Variants in MS4A15 observed in about 807,000 individuals in gnomAD.
The protein encoded by MS4A15 is membrane-spanning 4-domains subfamily A member 15.
A neutral mutation model predicts 20.6 loss-of-function variants in MS4A15; 22 were observed. The observed-to-expected ratio is 1.07, with a 90% confidence interval of 0.76 to 1.52. MS4A15 has a LOEUF of 1.52. Among genes scored for constraint, MS4A15 ranks in the 40% most tolerant of loss-of-function variants. The pLI, the probability that MS4A15 is intolerant of heterozygous loss-of-function variation, is 0.00. For missense variants in MS4A15, 312 were observed against 323.0 expected (o/e 0.97, Z 0.26); for synonymous variants, 129 against 129.3 (o/e 1.00, Z 0.02).
chr11:60,765,454 T>C (rs952769002), intron 2 of MS4A15, among the ~76,000 whole-genome samples: 1 of 152,098 alleles, frequency 6.6e-6, no homozygotes, highest in African/African-American at 2.4e-5. Flanking sequence ...CTCTTACTTA[T>C]GAAGCATCTC....
intron 3 of MS4A15, among the ~76,000 whole-genome samples, chr11:60,768,080 C>T (rs1229761981): frequency 6.6e-6 from 1 of 152,182 alleles, no homozygotes; most frequent in Non-Finnish European, 1.5e-5. Context: ...GTAATCCCAG[C>T]TACTTGGGAG....
chr11:60,765,045 AG>A (rs1853849245), intron 2 of MS4A15, among the ~76,000 whole-genome samples: 1 of 152,236 alleles, frequency 6.6e-6, no homozygotes, highest in East Asian at 1.9e-4. Flanking sequence ...GTGAGCAGTA[AG>A]CTCTTATAGG....
chr11:60,775,258 A>T (rs1854159115), intron 6 of MS4A15, among the ~76,000 whole-genome samples: 2 of 151,944 alleles, frequency 1.3e-5, no homozygotes, highest in Admixed American at 1.3e-4. Flanking sequence ...CGGAGGTTGC[A>T]GTGAGCCGAG....
chr11:60,761,927 T>C (rs1853752720), intron 1 of MS4A15, among the ~76,000 whole-genome samples: 2 of 152,198 alleles, frequency 1.3e-5, no homozygotes, highest in Admixed American at 6.5e-5. Context: ...AAATGTTACA[T>C]AGTTAAATAT....
At chr11:60,767,438 C>A (rs1396742659) in intron 2 of MS4A15, 95 bp from the exon 3 acceptor site, 3 of 1,353,578 alleles carry the variant, frequency 2.2e-6, no homozygotes, top group African/African-American at 3.0e-5. Flanking sequence ...GGCCAACAAG[C>A]GGGAGGAGGG....
At position 60,776,033 on chromosome 11, in the gene MS4A15, T is replaced by C. The variant is rs112293724; in HGVS notation, c.*318T>C. ...GCTCATTGGGGAAATCCTGGCCTCA[T>C]TGGAGACTCAGGTTCGAGGCCTGCC... On this transcript the variant is annotated 3_prime_UTR_variant, in exon 7 of 7. Coordinates refer to ENST00000405633, the MANE Select transcript of MS4A15 (RefSeq NM_001098835.2). The C allele has an allele frequency of 8.9e-5, 19 of 213,270 alleles. No individual in the cohort carries two copies. Among genetic ancestry groups the C allele is most frequent in the African/African-American group, 3.4e-4 (15 of 44,372 alleles). 13.2% of individuals were successfully genotyped at this position (213,270 alleles called of 1,614,324 possible). A position where few individuals can be genotyped will look rare whatever the true frequency, so the allele number is the denominator to read the frequency against.
At position 60,763,739 on chromosome 11, in the gene MS4A15, T is replaced by G; in HGVS notation, c.6T>G (p.Ser2=). 3 of 1,612,150 alleles carry G rather than the reference T, an allele frequency of 1.9e-6. No homozygotes were observed. The highest frequency in any genetic ancestry group is 2.5e-6 in the Non-Finnish European group (3 of 1,179,896). The change falls in exon 2 of 7, where the codon TCT becomes TCG. Residue 2 remains serine, a synonymous_variant. Coordinates refer to ENST00000405633, the MANE Select transcript of MS4A15 (RefSeq NM_001098835.2). ...TCCCAGGCTCTCTGAGCACGATGTC[T>G]GCAGCTCCCGCCAGCAATGGAGTGT... M[S]AAPASNGVFV...
chr11:60,770,225 G>A (rs1210440010), intron 3 of MS4A15, among the ~76,000 whole-genome samples: 5 of 152,250 alleles, frequency 3.3e-5, no homozygotes, highest in Admixed American at 6.5e-5. Flanking sequence ...CCCAGTGACC[G>A]CTATGACTTC....
chr11:60,771,634 T>G (rs1003600964), intron 4 of MS4A15: 3 of 1,458,112 alleles, frequency 2.1e-6, no homozygotes, highest in Non-Finnish European at 2.7e-6. Context: ...CCTGTAAGAG[T>G]CCTGCTGGGC....
At chr11:60,766,687 A>T (rs971710863) in intron 2 of MS4A15, among the ~76,000 whole-genome samples, 9 of 152,248 alleles carry the variant, frequency 5.9e-5, no homozygotes, top group African/African-American at 2.2e-4. Flanking sequence ...ATGTCCATGA[A>T]TATCCAAATA....
At chr11:60,774,085 T>C (rs1016514550) in intron 6 of MS4A15, 135 bp downstream of exon 6, 1 of 684,910 alleles carries the variant, frequency 1.5e-6, no homozygotes, top group African/African-American at 1.8e-5. Context: ...GAGACAGCGC[T>C]AGGAAGGGTG....
chr11:60,765,551 T>C (rs1420212755), intron 2 of MS4A15, among the ~76,000 whole-genome samples: 1 of 152,186 alleles, frequency 6.6e-6, no homozygotes, highest in East Asian at 1.9e-4. Context: ...GGATCATCGT[T>C]CCTGTTGGAC....
At position 60,774,027 on chromosome 11, in the gene MS4A15, C is replaced by T. The variant is rs56339129; in HGVS notation, c.612+77C>T. ...TGTGGAAGGCAGTTGGCTGGGAGCG[C>T]GCTCTGCCTCCAGACCCCTCCCTCT... is the stretch of plus-strand genomic sequence containing the variant. On this transcript the variant is annotated intron_variant, in intron 6 of 6. Coordinates refer to ENST00000405633, the MANE Select transcript of MS4A15 (RefSeq NM_001098835.2). The T allele has an allele frequency of 9.0e-4, 1,005 of 1,118,386 alleles. 7 individuals are homozygous for T. In the African/African-American group the frequency reaches 0.01, roughly 11 times the overall value. 69.3% of individuals were successfully genotyped at this position (1,118,386 alleles called of 1,614,324 possible). A position where few individuals can be genotyped will look rare whatever the true frequency, so the allele number is the denominator to read the frequency against.
intron 3 of MS4A15, among the ~76,000 whole-genome samples, chr11:60,769,486 C>T (rs1217080889): frequency 1.3e-5 from 2 of 152,188 alleles, no homozygotes; most frequent in Non-Finnish European, 2.9e-5. Context: ...GGGCAAGTTG[C>T]TGCCTGTCTC....
intron 6 of MS4A15, among the ~76,000 whole-genome samples, chr11:60,774,333 G>A (rs1037998382): frequency 1.4e-4 from 21 of 152,156 alleles, no homozygotes; most frequent in African/African-American, 4.6e-4. Context: ...CAGGAGGATC[G>A]CTTGAGCCCA....
At chr11:60,775,017 G>A (rs999345345) in intron 6 of MS4A15, among the ~76,000 whole-genome samples, 3 of 152,186 alleles carry the variant, frequency 2.0e-5, no homozygotes, top group Admixed American at 6.5e-5. Context: ...GGGCAGTCGG[G>A]AGAGAAAGAA....
At chr11:60,769,201 G>A (rs1853965363) in intron 3 of MS4A15, among the ~76,000 whole-genome samples, 1 of 152,196 alleles carries the variant, frequency 6.6e-6, no homozygotes, top group African/African-American at 2.4e-5. Flanking sequence ...TCAATCTCAG[G>A]AGACATGAGC....
chr11:60,773,949 C>G lies in MS4A15; in HGVS notation c.611C>G (p.Ala204Gly). 6.2e-7 allele frequency: 1 copy of G among 1,611,780 alleles called. No individual in the cohort carries two copies. The highest frequency in any genetic ancestry group is 8.5e-7 in the Non-Finnish European group (1 of 1,178,032). The change falls in exon 6 of 7, where the codon GCA becomes GGA. Residue 204 changes from alanine to glycine, a missense_variant and splice_region_variant. By Grantham distance (60) the Ala-to-Gly change is moderately conservative. Coordinates refer to ENST00000405633, the MANE Select transcript of MS4A15 (RefSeq NM_001098835.2). ...GCQAIHAQAS[A>G]PVIFLPNAFS... The stretch of plus-strand genomic sequence containing the variant: ...CAAGCCATCCATGCCCAGGCCAGTG[C>G]AGTGAGTACCCCCACCCCCACCCCC...
chr11:60,764,525 CAAT>C (rs1158080466), intron 2 of MS4A15, among the ~76,000 whole-genome samples: 1 of 152,122 alleles, frequency 6.6e-6, no homozygotes, highest in Non-Finnish European at 1.5e-5. Flanking sequence ...CTATTGGTCT[CAAT>C]AAAATACTGA....
Sources: allele counts gnomAD v4.1 joint callset (sites outside exome capture counted in the v4.1 genomes callset), GRCh38; gene constraint gnomAD v4.1.1; transcripts MANE v1.5; gene names NCBI Gene and HGNC (gene_info 2026-07-23, HGNC 2026-07-21).